GFOD1: variants seen among roughly 807,000 people sequenced by gnomAD.
The protein encoded by GFOD1 is glucose-fructose oxidoreductase domain-containing protein 1.
GFOD1 carries 9 observed loss-of-function variants against 25.4 expected under a neutral mutation model. The ratio of observed to expected loss-of-function variants is 0.35; its 90% confidence interval spans 0.21 to 0.62. The LOEUF (loss-of-function observed/expected upper bound fraction) is 0.62, where lower values mean the gene tolerates loss of function less well. Among genes scored for constraint, GFOD1 ranks in the 20% least tolerant of loss-of-function variants. The pLI, the probability that GFOD1 is intolerant of heterozygous loss-of-function variation, is 0.72. For synonymous variants in GFOD1, 253 were observed against 245.6 expected (o/e 1.03, Z -0.28); for missense variants, 403 against 556.9 (o/e 0.72, Z 2.78).
rs1784899849 is a variant in GFOD1 at position 13,358,356 on chromosome 6, CAATA to C, written c.*6383_*6386del. 6.6e-6 allele frequency: 1 copy of C among 151,800 alleles called. No homozygotes were observed. The highest frequency in any genetic ancestry group is 1.5e-5 in the Non-Finnish European group (1 of 67,952). The allele number at this position is 151,800 out of a possible 1,614,324, so 9.4% of individuals were successfully genotyped here. A position where few individuals can be genotyped will look rare whatever the true frequency, so the allele number is the denominator to read the frequency against. Reference sequence around the variant, plus strand: ...CATATATACTCATGTTTGTAAAACACAATAAATATATACTCGACAATGACAGCCA... The same window carrying C: ...CATATATACTCATGTTTGTAAAACACAATATATACTCGACAATGACAGCCA... On this transcript the variant is annotated 3_prime_UTR_variant, in exon 2 of 2. Coordinates refer to ENST00000379287, the MANE Select transcript of GFOD1 (RefSeq NM_018988.4).
chr6:13,411,481 G>C (rs192020274), intron 1 of GFOD1, among the ~76,000 whole-genome samples: 2 of 151,762 alleles, frequency 1.3e-5, no homozygotes, highest in Non-Finnish European at 2.9e-5. Flanking sequence ...TAGTAGAGTC[G>C]GGGTTTCACC....
chr6:13,365,626 G>A lies in GFOD1; in HGVS notation c.290C>T (p.Thr97Met), dbSNP rs1328061085. ...GGTCATGCGGAAAGCGTCCAGCGGC[G>A]TGGCCGTGCGGTCGCAGATGACGTT... Reference protein sequence around the residue: ...GKNVICDRTATPLDAFRMTSA... With the variant: ...GKNVICDRTAMPLDAFRMTSA... Residue 97 changes from threonine to methionine, a missense_variant, in exon 2 of 2, where the codon ACG becomes ATG. By Grantham distance (81) the Thr-to-Met change is moderately conservative. Coordinates refer to ENST00000379287, the MANE Select transcript of GFOD1 (RefSeq NM_018988.4). The surrounding 1 kb of genome is among the most constrained non-coding windows in gnomAD (Gnocchi z 9.2). The A allele has an allele frequency of 1.9e-6, 3 of 1,599,720 alleles. No homozygotes were observed. Among genetic ancestry groups the A allele is most frequent in the Non-Finnish European group, 2.5e-6 (3 of 1,178,606 alleles).
At chr6:13,427,079 T>C (rs1162581388) in intron 1 of GFOD1, among the ~76,000 whole-genome samples, 3 of 152,212 alleles carry the variant, frequency 2.0e-5, no homozygotes, top group African/African-American at 7.2e-5. Context: ...AAGTTGTGTG[T>C]GATTGGACCT....
chr6:13,370,334 A>T (rs1785125788), intron 1 of GFOD1, among the ~76,000 whole-genome samples: 1 of 152,262 alleles, frequency 6.6e-6, no homozygotes, highest in Non-Finnish European at 1.5e-5. Context: ...CCTGAAGCCC[A>T]TGCACGGATC....
At chr6:13,408,577 C>T (rs958883671) in intron 1 of GFOD1, among the ~76,000 whole-genome samples, 24 of 152,086 alleles carry the variant, frequency 1.6e-4, no homozygotes, top group Non-Finnish European at 1.6e-4. Flanking sequence ...AAATAAAATC[C>T]AGCCAGGAGC....
In GFOD1 at chr6:13,419,942, G is replaced by A. The variant is rs78860605; in HGVS notation, c.254-54280C>T. ...CTATCACTCCTGTGCCCCGCCGGCCGGGCTTTGGGGCAATGTGTTTATCAC... is the reference window on the plus strand; with the variant it reads ...CTATCACTCCTGTGCCCCGCCGGCCAGGCTTTGGGGCAATGTGTTTATCAC... On this transcript the variant is annotated intron_variant, in intron 1 of 1. Coordinates refer to ENST00000379287, the MANE Select transcript of GFOD1 (RefSeq NM_018988.4). Among the ~76,000 whole-genome samples the A allele has an allele frequency of 7.0e-3, 1,059 of 152,300 alleles. 6 individuals are homozygous for A. The highest frequency in any genetic ancestry group is 0.011 in the Non-Finnish European group (733 of 68,024).
rs1385785923 is a variant in GFOD1 at position 13,430,585 on chromosome 6, TA to T, written c.253+56052del. Among the ~76,000 whole-genome samples, 1 of 152,198 alleles carries T rather than the reference TA, an allele frequency of 6.6e-6. No individual in the cohort carries two copies. The highest frequency in any genetic ancestry group is 1.5e-5 in the Non-Finnish European group (1 of 68,030). ...GTGTTATCCATATTCTCAACACTCC[TA>T]TTATGGGGTTCCCATAGAGACGGGC... On this transcript the variant is annotated intron_variant, in intron 1 of 1. Transcript: ENST00000379287. This position sits in a 1 kb window ranked among gnomAD's most constrained non-coding sequence, Gnocchi z 4.1.
chr6:13,368,212 T>C (rs911131026), intron 1 of GFOD1, among the ~76,000 whole-genome samples: 1 of 152,196 alleles, frequency 6.6e-6, no homozygotes, highest in African/African-American at 2.4e-5. Context: ...CACGTGCACA[T>C]CTAGTTCTGG....
intron 1 of GFOD1, among the ~76,000 whole-genome samples, chr6:13,412,667 A>C (rs997306443): frequency 1.1e-4 from 16 of 152,296 alleles, no homozygotes; most frequent in Non-Finnish European, 1.9e-4. Context: ...CTGGGATGGG[A>C]GAACCAGCGT....
chr6:13,372,310 C>G (rs1258534941), intron 1 of GFOD1, among the ~76,000 whole-genome samples: 2 of 152,126 alleles, frequency 1.3e-5, no homozygotes, highest in Non-Finnish European at 2.9e-5. Context: ...TCCTGAGATC[C>G]CTCATGGGGA....
At chr6:13,445,267 T>C (rs1208535041) in intron 1 of GFOD1, among the ~76,000 whole-genome samples, 1 of 152,264 alleles carries the variant, frequency 6.6e-6, no homozygotes, top group Non-Finnish European at 1.5e-5. Flanking sequence ...GATTTCCTGA[T>C]GCTCGTTGAG....
Position 13,364,667 on chromosome 6 carries a change from C to A in GFOD1, c.*76G>T, listed in dbSNP as rs1047535824. Reference sequence around the variant, plus strand: ...CTGATCCCCACATTCCCCATGGTCACCCTCTCCCCTCGGCCCTTCCCTCTC... The same window carrying A: ...CTGATCCCCACATTCCCCATGGTCAACCTCTCCCCTCGGCCCTTCCCTCTC... On this transcript the variant is annotated 3_prime_UTR_variant, in exon 2 of 2. Coordinates refer to ENST00000379287, the MANE Select transcript of GFOD1 (RefSeq NM_018988.4). This position sits in a 1 kb window ranked among gnomAD's most constrained non-coding sequence, Gnocchi z 4.1. 5 of 1,239,316 alleles carry A rather than the reference C, an allele frequency of 4.0e-6. No homozygotes were observed. The Admixed American group carries it at 7.8e-5, about 19-fold the overall frequency. The allele number at this position is 1,239,316 out of a possible 1,614,324, so 76.8% of individuals were successfully genotyped here. A position where few individuals can be genotyped will look rare whatever the true frequency, so the allele number is the denominator to read the frequency against.
chr6:13,391,167 G>C (rs74625335), intron 1 of GFOD1, among the ~76,000 whole-genome samples: 3 of 152,250 alleles, frequency 2.0e-5, no homozygotes, highest in Admixed American at 2.0e-4. Context: ...GTGAACATTC[G>C]ATTTTTTTGT....
At chr6:13,420,255 C>T (rs6458812) in intron 1 of GFOD1, among the ~76,000 whole-genome samples, 149,822 of 152,318 alleles carry the variant, frequency 0.98, 73,739 homozygotes, top group Middle Eastern at 1. Context: ...CTCCCATCTA[C>T]CCATGCAGCC....
intron 1 of GFOD1, among the ~76,000 whole-genome samples, chr6:13,382,772 AT>A (rs1460308433): frequency 6.6e-6 from 1 of 152,200 alleles, no homozygotes; most frequent in Non-Finnish European, 1.5e-5. Context: ...TCGCCTAGGT[AT>A]TAAGCCCAGC....
intron 1 of GFOD1, among the ~76,000 whole-genome samples, chr6:13,426,800 A>G (rs893669624): frequency 7.9e-5 from 12 of 152,182 alleles, no homozygotes; most frequent in African/African-American, 2.7e-4. Context: ...GCCCTTTGCC[A>G]AAGGTGTCGA....
Position 13,486,415 on chromosome 6 carries a change from C to T in GFOD1, c.253+223G>A, listed in dbSNP as rs537322169. 1,199 of 606,420 alleles carry T rather than the reference C, an allele frequency of 2.0e-3. 8 individuals carry two copies. Among genetic ancestry groups the T allele is most frequent in the African/African-American group, 0.019 (1,043 of 54,042 alleles). The allele number at this position is 606,420 out of a possible 1,614,324, so 37.6% of individuals were successfully genotyped here. A position where few individuals can be genotyped will look rare whatever the true frequency, so the allele number is the denominator to read the frequency against. On this transcript the variant is annotated intron_variant, in intron 1 of 1. Transcript: ENST00000379287. ...TGCAATCTACACACGTGGGGAAGCG[C>T]GTCCAAGTGGTGCCAGGAGGCAGGA... is the stretch of plus-strand genomic sequence containing the variant.
rs902931015 is a variant in GFOD1 at position 13,363,234 on chromosome 6, T to G, written c.*1509A>C. The G allele has an allele frequency of 1.2e-4, 18 of 151,832 alleles. No homozygotes were observed. The highest frequency in any genetic ancestry group is 3.9e-4 in the African/African-American group (16 of 41,192). 9.4% of individuals were successfully genotyped at this position (151,832 alleles called of 1,614,324 possible). A position where few individuals can be genotyped will look rare whatever the true frequency, so the allele number is the denominator to read the frequency against. ...ATCTGTGTGTGTGTGTGTGTGTGTG[T>G]GTGTGCACGTGCATGTGTGTGTGTG... On this transcript the variant is annotated 3_prime_UTR_variant, in exon 2 of 2. Transcript: ENST00000379287.
intron 1 of GFOD1, among the ~76,000 whole-genome samples, chr6:13,387,468 C>A (rs1212284190): frequency 6.6e-6 from 1 of 152,172 alleles, no homozygotes; most frequent in Admixed American, 6.5e-5. Flanking sequence ...TCAACATACG[C>A]AAATCAATAA....
Sources: gnomAD v4.1 joint callset for allele counts (sites outside exome capture counted in the v4.1 genomes callset) on GRCh38, gnomAD v4.1.1 for gene constraint, Gnocchi (gnomAD v3.1) non-coding constraint, MANE v1.5 for transcripts, NCBI Gene and HGNC (gene_info 2026-07-23, HGNC 2026-07-21) for gene names.